Variants in PLXNA3 observed in about 807,000 individuals in gnomAD.
PLXNA3 encodes plexin A3, also known as plexin-A3.
PLXNA3 carries 52 observed loss-of-function variants against 118.8 expected under a neutral mutation model. The observed-to-expected ratio is 0.44, with a 90% CI of 0.35 to 0.55. The LOEUF is 0.55. PLXNA3 is among the 20% of genes least tolerant of loss of function. The probability of loss-of-function intolerance (pLI) is 0.01; values close to 1 mark genes in which losing one functional copy is unlikely to be tolerated. For synonymous variants in PLXNA3, 925 were observed against 762.4 expected (o/e 1.21, Z -3.51); for missense variants, 1,660 against 1,730.8 (o/e 0.96, Z 0.73).
At chrX:154,470,292 G>A (rs1158869239) in intron 29 of PLXNA3, 125 bp downstream of exon 29, 1 of 928,174 alleles carries the variant, frequency 1.1e-6, no homozygotes, top group African/African-American at 2.0e-5. Context: ...GGAACTCTGA[G>A]CCTTAGATAA....
chrX:154,465,295 C>A (rs1288732315), intron 11 of PLXNA3, 77 bp downstream of exon 11: 1 of 1,064,070 alleles, frequency 9.4e-7, no homozygotes, highest in Admixed American at 2.3e-5. Flanking sequence ...ATGCCCAGCT[C>A]TCTGGCAGGG....
At position 154,461,347 on chromosome X, in the gene PLXNA3, C is replaced by G; in HGVS notation, c.843C>G (p.Gly281=). The part of the protein sequence containing the change: ...EFYSYVEFPI[G]CSWRGVEYRL... ...ACTCATACGTGGAATTCCCCATCGG[C>G]TGCTCCTGGCGCGGCGTGGAGTACC... Residue 281 remains glycine (G), a synonymous_variant, in exon 3 of 33, where the codon GGC becomes GGG. Transcript: ENST00000369682. 8.2e-7 allele frequency: 1 copy of G among 1,212,269 alleles called. No homozygotes were observed. Among genetic ancestry groups the G allele is most frequent in the Middle Eastern group, 2.3e-4 (1 of 4,351 alleles).
At position 154,472,623 on chromosome X, in the gene PLXNA3, C is replaced by T. The variant is rs1557209852; in HGVS notation, c.5554C>T (p.Arg1852Trp). 1.7e-6 allele frequency: 2 copies of T among 1,208,638 alleles called. No individual in the cohort carries two copies. Among genetic ancestry groups the T allele is most frequent in the East Asian group, 3.0e-5 (1 of 33,805 alleles). Reference protein sequence around the residue: ...LTALDRDASCRKHKLRQKLEQ... With the variant: ...LTALDRDASCWKHKLRQKLEQ... ...GGCTCTGGACCGAGATGCCTCTTGT[C>T]GGAAGCATAAGTTGCGGCAGAAACT... Residue 1852 changes from arginine (R) to tryptophan (W), a missense_variant, in exon 33 of 33, where the codon CGG (arginine) becomes TGG (tryptophan). Physicochemically the swap from Arg to Trp is moderately radical, Grantham distance 101 (BLOSUM62 -3). This residue lies in a region of PLXNA3 where 869 missense variants were observed against 1,078.7 expected (regional missense o/e 0.81). Coordinates refer to ENST00000369682, the MANE Select transcript of PLXNA3 (RefSeq NM_017514.5).
rs782500054 is a variant in PLXNA3 at position 154,470,622 on chromosome X, G to A, written c.5156+11G>A. 3.3e-5 allele frequency: 40 copies of A among 1,202,686 alleles called. No individual in the cohort carries two copies. Among genetic ancestry groups the A allele is most frequent in the Non-Finnish European group, 4.0e-5 (36 of 889,896 alleles). On this transcript the variant is annotated intron_variant, in intron 30 of 32. Transcript: ENST00000369682. ...CTGGAAGAGCAACTGGTATCACCCC[G>A]TGCTGGGCTGCCAGCAGCCTGTCTG... is the stretch of plus-strand genomic sequence containing the variant.
chrX:154,461,701 G>C (rs782678163), intron 3 of PLXNA3, 63 bp downstream of exon 3: 1 of 1,050,032 alleles, frequency 9.5e-7, no homozygotes, highest in Non-Finnish European at 1.3e-6. Flanking sequence ...TGCCCAGCGT[G>C]GGCTCACGGC....
Position 154,469,258 on chromosome X carries a change from C to T in PLXNA3, c.4594+43C>T, listed in dbSNP as rs200848550. 210 of 1,184,211 alleles carry T rather than the reference C, an allele frequency of 1.8e-4. No homozygotes were observed. In the Admixed American group the frequency reaches 3.8e-3, roughly 21 times the overall value. On this transcript the variant is annotated intron_variant, in intron 26 of 32. Coordinates refer to ENST00000369682, the MANE Select transcript of PLXNA3 (RefSeq NM_017514.5). ...TCCTCCTGGCTCCCACTCATACCCT[C>T]CTGTGCCGTGTGACCTCCGTGGGCT...
rs781983465 is a variant in PLXNA3, at chrX:154,466,721, G to A, written c.3035G>A (p.Ser1012Asn). ...GCCATTGACCGGGCTAACATCTCCA[G>A]CCCCGGGCTCATCTACACCTACACT... Reference protein sequence around the residue: ...TLAIDRANISSPGLIYTYTQD... With the variant: ...TLAIDRANISNPGLIYTYTQD... Residue 1012 changes from serine (S) to asparagine (N), a missense_variant, in exon 17 of 33, where the codon AGC (serine) becomes AAC (asparagine). Around this residue, in one of 2 missense-constraint regions of PLXNA3, gnomAD observed 869 missense variants for 1,078.7 expected, o/e 0.81. Transcript: ENST00000369682. 13 of 1,194,747 alleles carry A rather than the reference G, an allele frequency of 1.1e-5. No individual in the cohort carries two copies. The South Asian group carries it at 2.2e-4, about 20-fold the overall frequency.
At position 154,461,372 on chromosome X, in the gene PLXNA3, CG is replaced by C; in HGVS notation, c.869del (p.Arg290ProfsTer80). 5.8e-6 allele frequency: 7 copies of C among 1,211,948 alleles called. No homozygotes were observed. Among genetic ancestry groups the C allele is most frequent in the Non-Finnish European group, 6.7e-6 (6 of 895,507 alleles). On this transcript the variant is annotated frameshift_variant, in exon 3 of 33. Transcript: ENST00000369682. LOFTEE classifies it high-confidence loss of function. Reference sequence around the variant, plus strand: ...CTGCTCCTGGCGCGGCGTGGAGTACCGCTTGGTGCAGAGCGCCCACCTGGCC... The same window carrying C: ...CTGCTCCTGGCGCGGCGTGGAGTACCCTTGGTGCAGAGCGCCCACCTGGCC... ...IGCSWRGVEYRLVQSAHLAKP... is the reference protein window; with the variant it reads ...IGCSWRGVEYXLVQSAHLAKP...
At chrX:154,462,938 G>C (rs782205698) in intron 4 of PLXNA3, among the ~76,000 whole-genome samples, 8 of 111,303 alleles carry the variant, frequency 7.2e-5, no homozygotes, top group Non-Finnish European at 1.5e-4. Context: ...GTCTGGGGGC[G>C]CAGGGAAGGG....
rs374808921 is a variant in PLXNA3 at position 154,465,262 on chromosome X, C to T, written c.2244+44C>T. The T allele has an allele frequency of 4.2e-4, 467 of 1,122,633 alleles. 1 individual carries two copies. Among genetic ancestry groups the T allele is most frequent in the Middle Eastern group, 3.9e-3 (12 of 3,059 alleles). 92.5% of individuals were successfully genotyped at this position (1,122,633 alleles called of 1,213,427 possible). On this transcript the variant is annotated intron_variant, in intron 11 of 32. Transcript: ENST00000369682. Reference sequence around the variant, plus strand: ...CCTCCCTTCGGGGTCTGGGCTGTGGCGTGGTGTGGATCGTTCTTGTCTATG... The same window carrying T: ...CCTCCCTTCGGGGTCTGGGCTGTGGTGTGGTGTGGATCGTTCTTGTCTATG...
intron 9 of PLXNA3, 117 bp downstream of exon 9, chrX:154,464,618 T>G: frequency 1.4e-6 from 1 of 708,471 alleles, no homozygotes; most frequent in Non-Finnish European, 2.1e-6. Context: ...CAGGCCCTGA[T>G]AGCCCCTGAC....
At chrX:154,459,174 C>T (rs987745965) in intron 1 of PLXNA3, among the ~76,000 whole-genome samples, 5 of 105,113 alleles carry the variant, frequency 4.8e-5, no homozygotes, top group African/African-American at 1.5e-4. Context: ...GCTCCCCCCC[C>T]GCCTCCCGCC....
At chrX:154,465,587 C>A in intron 12 of PLXNA3, 67 bp downstream of exon 12, 1 of 1,142,865 alleles carries the variant, frequency 8.7e-7, no homozygotes. Context: ...GGTCTGGGGG[C>A]CCTAGTGCTC....
chrX:154,472,903 C>T lies in PLXNA3; in HGVS notation c.*218C>T. On this transcript the variant is annotated 3_prime_UTR_variant, in exon 33 of 33. Transcript: ENST00000369682. ...AGGGGTGACAGGGCGAGCCCCCACCCCAGCAGCAGCAATACCCCCACCCTC... is the reference window on the plus strand; with the variant it reads ...AGGGGTGACAGGGCGAGCCCCCACCTCAGCAGCAGCAATACCCCCACCCTC... 1 of 391,075 alleles carries T rather than the reference C, an allele frequency of 2.6e-6. No homozygotes were observed. The highest frequency in any genetic ancestry group is 4.6e-6 in the Non-Finnish European group (1 of 219,040). 32.2% of individuals were successfully genotyped at this position (391,075 alleles called of 1,213,427 possible). A position where few individuals can be genotyped will look rare whatever the true frequency, so the allele number is the denominator to read the frequency against.
At chrX:154,469,355 T>C in intron 26 of PLXNA3, 24 bp from the exon 27 acceptor site, 6 of 1,188,959 alleles carry the variant, frequency 5.0e-6, no homozygotes, top group Non-Finnish European at 5.7e-6. Flanking sequence ...CAGCATAATC[T>C]TAAGGGCTGT....
rs782767005 is a variant in PLXNA3 at position 154,461,131 on chromosome X, C to G, written c.627C>G (p.Ile209Met). The G allele has an allele frequency of 8.3e-6, 10 of 1,204,740 alleles. No homozygotes were observed. Among genetic ancestry groups the G allele is most frequent in the African/African-American group, 1.7e-5 (1 of 57,483 alleles). Residue 209 changes from isoleucine to methionine, a missense_variant, in exon 3 of 33, where the codon ATC becomes ATG. Transcript: ENST00000369682. ...AGGATGAGTTTGTGTCCTCCCAGATCAAGATCCCCTCAGACACGCTGTCCT... is the reference window on the plus strand; with the variant it reads ...AGGATGAGTTTGTGTCCTCCCAGATGAAGATCCCCTCAGACACGCTGTCCT... Reference protein sequence around the residue: ...VYQDEFVSSQIKIPSDTLSLY... With the variant: ...VYQDEFVSSQMKIPSDTLSLY...
Position 154,468,142 on chromosome X carries a change from T to TC in PLXNA3, c.3885dup (p.Phe1296LeufsTer118). On this transcript the variant is annotated frameshift_variant, in exon 22 of 33. Coordinates refer to ENST00000369682, the MANE Select transcript of PLXNA3 (RefSeq NM_017514.5). LOFTEE classifies it high-confidence loss of function. ...ACTAACCACATGGACGAGGTGCAGA[T>TC]CCCCTTCCTGGACTACCGGACTTAC... The TC allele has an allele frequency of 8.4e-7, 1 of 1,193,936 alleles. No homozygotes were observed. Among genetic ancestry groups the TC allele is most frequent in the South Asian group, 1.9e-5 (1 of 53,693 alleles).
Position 154,467,859 on chromosome X carries a change from G to A in PLXNA3, c.3678G>A (p.Ala1226=), listed in dbSNP as rs782059542. 2.2e-5 allele frequency: 26 copies of A among 1,207,092 alleles called. No homozygotes were observed. Among genetic ancestry groups the A allele is most frequent in the East Asian group, 3.0e-5 (1 of 33,815 alleles). Residue 1226 remains alanine (A), a synonymous_variant, in exon 21 of 33, where the codon GCG becomes GCA. Transcript: ENST00000369682. ...LTLPAMMGLA[A]GGGLLLLAIT... ...TACCGGCCATGATGGGGCTGGCGGC[G>A]GGGGGTGGGCTCCTGCTGCTGGCCA... is the stretch of plus-strand genomic sequence containing the variant.
chrX:154,464,577 A>G lies in PLXNA3; in HGVS notation c.1928+76A>G, dbSNP rs1407726891. 6 of 908,364 alleles carry G rather than the reference A, an allele frequency of 6.6e-6. No homozygotes were observed. The Admixed American group carries it at 1.0e-4, about 15-fold the overall frequency. The allele number at this position is 908,364 out of a possible 1,213,427, so 74.9% of individuals were successfully genotyped here. A position where few individuals can be genotyped will look rare whatever the true frequency, so the allele number is the denominator to read the frequency against. On this transcript the variant is annotated intron_variant, in intron 9 of 32. Coordinates refer to ENST00000369682, the MANE Select transcript of PLXNA3 (RefSeq NM_017514.5). The stretch of plus-strand genomic sequence containing the variant: ...CTGGGACAGGCGACACCTTCAGGGC[A>G]GCTGTTTCTGGGGCATCAGGGGCTA...
Sources: allele counts gnomAD v4.1 joint callset (sites outside exome capture counted in the v4.1 genomes callset), GRCh38; gene constraint gnomAD v4.1.1; regional missense constraint gnomAD v4.1.1; transcripts MANE v1.5; gene names NCBI Gene and HGNC (gene_info 2026-07-23, HGNC 2026-07-21).